The following BMPER variants were observed in gnomAD, a reference collection of about 807,000 sequenced individuals.
BMPER encodes BMP-binding endothelial regulator protein.
In BMPER, 45 loss-of-function variants were observed where a neutral mutation model predicts 87.3. That is an observed-to-expected ratio of 0.52 (90% CI 0.41 to 0.66). The LOEUF (loss-of-function observed/expected upper bound fraction) is 0.66, where lower values mean the gene tolerates loss of function less well. Among genes scored for constraint, BMPER ranks in the 30% least tolerant of loss-of-function variants. The pLI is 0.00. For missense variants in BMPER, 784 were observed against 867.5 expected, an observed-to-expected ratio of 0.90 and a Z score of 1.21; for synonymous variants, 326 against 316.2, an observed-to-expected ratio of 1.03 and a Z score of -0.33.
At chr7:34,145,872 T>G (rs768716745) in intron 14 of BMPER, among the ~76,000 whole-genome samples, 1 of 152,194 alleles carries the variant, frequency 6.6e-6, no homozygotes, top group South Asian at 2.1e-4. Flanking sequence ...TTTCAGGGAC[T>G]GAGTCTCTGG....
rs567982733 is a variant in BMPER, at chr7:34,104,068, T to C, written c.1745+17976T>C. On this transcript the variant is annotated intron_variant, in intron 13 of 14. Transcript: ENST00000649409. ...GCAATCCCCAAATGCACTTGGTGCT[T>C]TCCACTGGACATGCCTTTGTTTATG... Among the ~76,000 whole-genome samples the C allele has an allele frequency of 3.9e-5, 6 of 152,350 alleles. No individual in the cohort carries two copies. The South Asian group carries it at 1.2e-3, about 32-fold the overall frequency.
At chr7:34,149,794 T>C (rs1186479585) in intron 14 of BMPER, among the ~76,000 whole-genome samples, 1 of 151,060 alleles carries the variant, frequency 6.6e-6, no homozygotes. Context: ...AGTGAAAACT[T>C]TGGAGGGAAC....
At chr7:33,930,573 G>T (rs1784459123) in intron 2 of BMPER, among the ~76,000 whole-genome samples, 1 of 152,078 alleles carries the variant, frequency 6.6e-6, no homozygotes, top group African/African-American at 2.4e-5. Flanking sequence ...GTTTGCTCAG[G>T]ATTTCCCCTG....
chr7:33,990,643 C>T (rs1426141911), intron 6 of BMPER, among the ~76,000 whole-genome samples: 1 of 151,264 alleles, frequency 6.6e-6, no homozygotes, highest in Non-Finnish European at 1.5e-5. Context: ...CCAGAACTTC[C>T]AAAACTATGT....
intron 6 of BMPER, among the ~76,000 whole-genome samples, chr7:34,040,572 T>C (rs1311316489): frequency 6.6e-6 from 1 of 152,132 alleles, no homozygotes. Context: ...ACCCACTGCC[T>C]AGATTGAGCA....
At chr7:34,103,543 G>T (rs1789740098) in intron 13 of BMPER, among the ~76,000 whole-genome samples, 2 of 152,132 alleles carry the variant, frequency 1.3e-5, no homozygotes. Flanking sequence ...TAAGCTTCAA[G>T]TGACTCCCCT....
chr7:34,069,451 T>C (rs918144866), intron 11 of BMPER, among the ~76,000 whole-genome samples: 2 of 152,250 alleles, frequency 1.3e-5, no homozygotes, highest in African/African-American at 2.4e-5. Context: ...TCCATATCAG[T>C]CAGGTATTGT....
intron 6 of BMPER, among the ~76,000 whole-genome samples, chr7:33,981,537 A>G (rs1030482072): frequency 7.2e-5 from 11 of 152,172 alleles, no homozygotes; most frequent in African/African-American, 2.7e-4. Flanking sequence ...GTAATTAGAT[A>G]TTTTTGTTTG....
Position 34,155,157 on chromosome 7 carries a change from A to T in BMPER, c.*1884A>T, listed in dbSNP as rs1480452675. On this transcript the variant is annotated 3_prime_UTR_variant, in exon 15 of 15. Transcript: ENST00000649409. The stretch of plus-strand genomic sequence containing the variant: ...GTTTGCAAATACTTTCCTACTTGTA[A>T]TCTCATTGATTCCCTGCTCTGCCCT... 3 of 152,156 alleles carry T rather than the reference A, an allele frequency of 2.0e-5. No homozygotes were observed. Among genetic ancestry groups the T allele is most frequent in the Admixed American group, 1.3e-4 (2 of 15,286 alleles). The allele number at this position is 152,156 out of a possible 1,614,324, so 9.4% of individuals were successfully genotyped here.
intron 2 of BMPER, among the ~76,000 whole-genome samples, chr7:33,930,447 C>T (rs1440173430): frequency 6.6e-6 from 1 of 152,096 alleles, no homozygotes; most frequent in African/African-American, 2.4e-5. Context: ...ATCTCAGGGC[C>T]CCCCTACCCA....
chr7:33,995,474 A>G (rs1480582082), intron 6 of BMPER, among the ~76,000 whole-genome samples: 1 of 152,180 alleles, frequency 6.6e-6, no homozygotes, highest in African/African-American at 2.4e-5. Context: ...TCTATCATGG[A>G]TGCTGCTGAA....
At chr7:33,957,241 C>G (rs143107957) in intron 3 of BMPER, among the ~76,000 whole-genome samples, 17 of 151,650 alleles carry the variant, frequency 1.1e-4, no homozygotes, top group African/African-American at 4.1e-4. Context: ...TGTGGTATAT[C>G]CATACCAAGG....
chr7:33,947,010 A>G (rs1223068797), intron 3 of BMPER, among the ~76,000 whole-genome samples: 1 of 152,204 alleles, frequency 6.6e-6, no homozygotes, highest in Non-Finnish European at 1.5e-5. Flanking sequence ...GTAAATTATA[A>G]CTAATTTCTC....
chr7:34,047,578 A>G (rs891731477), intron 7 of BMPER, among the ~76,000 whole-genome samples: 14 of 152,010 alleles, frequency 9.2e-5, no homozygotes, highest in Admixed American at 2.0e-4. Flanking sequence ...TGCCCAGCCT[A>G]TGATACCTTC....
chr7:34,142,325 A>G (rs532112028), intron 13 of BMPER, among the ~76,000 whole-genome samples: 2 of 152,302 alleles, frequency 1.3e-5, no homozygotes, highest in Admixed American at 1.3e-4. Context: ...CCATGTATTT[A>G]TTTGTAAAAT....
intron 13 of BMPER, among the ~76,000 whole-genome samples, chr7:34,117,078 A>C (rs1262218151): frequency 6.6e-6 from 1 of 152,196 alleles, no homozygotes; most frequent in Admixed American, 6.5e-5. Context: ...TACATAGACA[A>C]TAACAATTAT....
intron 2 of BMPER, among the ~76,000 whole-genome samples, chr7:33,932,181 G>T (rs1206818914): frequency 2.0e-5 from 3 of 152,180 alleles, no homozygotes; most frequent in Non-Finnish European, 2.9e-5. Context: ...GATGAATGTG[G>T]GTCTACCTCC....
intron 6 of BMPER, among the ~76,000 whole-genome samples, chr7:33,988,075 A>G (rs1486155839): frequency 6.6e-6 from 1 of 152,088 alleles, no homozygotes; most frequent in African/African-American, 2.4e-5. Context: ...ATGAAAAATT[A>G]CTCTCACTAC....
intron 6 of BMPER, among the ~76,000 whole-genome samples, chr7:34,005,886 T>C (rs1008441784): frequency 5.3e-5 from 8 of 152,084 alleles, no homozygotes; most frequent in Non-Finnish European, 7.4e-5. Context: ...GTTAAATCTT[T>C]CCTTGTGTTC....
Sources: gnomAD v4.1 joint callset for allele counts (sites outside exome capture counted in the v4.1 genomes callset) on GRCh38, gnomAD v4.1.1 for gene constraint, MANE v1.5 for transcripts, NCBI Gene and HGNC (gene_info 2026-07-23, HGNC 2026-07-21) for gene names.